PREX2: variants seen among roughly 807,000 people sequenced by gnomAD.
PREX2 encodes the protein phosphatidylinositol-3,4,5-trisphosphate dependent Rac exchange factor 2.
PREX2 carries 107 observed loss-of-function variants against 203.2 expected under a neutral mutation model. The ratio of observed to expected loss-of-function variants is 0.53; its 90% CI spans 0.45 to 0.62. The LOEUF (loss-of-function observed/expected upper bound fraction) is 0.62. Among genes scored for constraint, PREX2 ranks in the 20% least tolerant of loss-of-function variants. The pLI is 0.00. For synonymous variants in PREX2, 672 were observed against 663.6 expected (o/e 1.01, Z -0.19); for missense variants, 1,777 against 1,955.9 (o/e 0.91, Z 1.72).
intron 34 of PREX2, 83 bp from the exon 35 acceptor site, chr8:68,157,239 A>G: frequency 1.6e-6 from 1 of 620,242 alleles, no homozygotes; most frequent in Non-Finnish European, 2.7e-6. Flanking sequence ...TGCTAAATTT[A>G]CTAATAATCA....
intron 3 of PREX2, among the ~76,000 whole-genome samples, chr8:68,020,892 T>C (rs1807549401): frequency 6.6e-6 from 1 of 152,264 alleles, no homozygotes; most frequent in Non-Finnish European, 1.5e-5. Flanking sequence ...TTATTTTTTT[T>C]CTGGCTCATA....
At chr8:68,028,355 C>T (rs10086646) in intron 5 of PREX2, among the ~76,000 whole-genome samples, 26,742 of 151,646 alleles carry the variant, frequency 0.18, 3,081 homozygotes, top group African/African-American at 0.32. Flanking sequence ...TTGATTCCGA[C>T]TTATTTTAAT....
chr8:68,091,182 C>G (rs535596592), intron 20 of PREX2, among the ~76,000 whole-genome samples: 6 of 152,298 alleles, frequency 3.9e-5, no homozygotes, highest in Non-Finnish European at 8.8e-5. Flanking sequence ...ATTTAGGTAA[C>G]TGGATTTAGC....
chr8:67,985,383 T>TAATTTA (rs1806387536), intron 1 of PREX2, among the ~76,000 whole-genome samples: 1 of 152,300 alleles, frequency 6.6e-6, no homozygotes, highest in African/African-American at 2.4e-5. Flanking sequence ...TCAATGACCA[T>TAATTTA]ATTTGTCTTA....
At chr8:68,012,222 A>G (rs1302488344) in intron 1 of PREX2, among the ~76,000 whole-genome samples, 2 of 152,220 alleles carry the variant, frequency 1.3e-5, no homozygotes, top group Non-Finnish European at 2.9e-5. Flanking sequence ...AGAATACACT[A>G]TAACAATGTG....
rs1275516564 is a variant in PREX2 at position 68,090,449 on chromosome 8, C to G, written c.2114-130C>G. 4 of 758,498 alleles carry G rather than the reference C, an allele frequency of 5.3e-6. No individual in the cohort carries two copies. In the African/African-American group the frequency reaches 5.3e-5, roughly 10 times the overall value. 47.0% of individuals were successfully genotyped at this position (758,498 alleles called of 1,614,324 possible). The stretch of plus-strand genomic sequence containing the variant: ...GTTGAGTGGGCATTGCTCTCAGAAC[C>G]AAGTTTATCAAGATTATACTAGCTA... On this transcript the variant is annotated intron_variant, in intron 19 of 39. Transcript: ENST00000288368.
intron 37 of PREX2, 23 bp downstream of exon 37, chr8:68,192,548 T>C: frequency 6.4e-7 from 1 of 1,556,882 alleles, no homozygotes; most frequent in Admixed American, 1.9e-5. Context: ...CCCGCCTTGC[T>C]TGCCTCTTTG....
intron 11 of PREX2, among the ~76,000 whole-genome samples, chr8:68,063,233 T>C (rs1397952522): frequency 6.6e-6 from 1 of 152,228 alleles, no homozygotes; most frequent in Non-Finnish European, 1.5e-5. Flanking sequence ...CAGGGAACTG[T>C]GCCTCAGTGG....
intron 7 of PREX2, among the ~76,000 whole-genome samples, chr8:68,043,252 G>A (rs569519475): frequency 6.6e-6 from 1 of 152,170 alleles, no homozygotes; most frequent in South Asian, 2.1e-4. Context: ...ATGAACATGG[G>A]GAGTGCAAGG....
chr8:68,074,628 G>C (rs1210968884), intron 14 of PREX2, among the ~76,000 whole-genome samples: 3 of 152,196 alleles, frequency 2.0e-5, no homozygotes, highest in Non-Finnish European at 4.4e-5. Flanking sequence ...GGAAGGATAA[G>C]AGAACAACAA....
intron 37 of PREX2, among the ~76,000 whole-genome samples, chr8:68,197,952 A>T (rs1488319329): frequency 6.6e-6 from 1 of 151,990 alleles, no homozygotes; most frequent in Non-Finnish European, 1.5e-5. Context: ...GTATATAAGA[A>T]ACTACAGAGC....
intron 1 of PREX2, among the ~76,000 whole-genome samples, chr8:67,989,529 T>G (rs1806536972): frequency 6.6e-6 from 1 of 152,154 alleles, no homozygotes. Context: ...TTTGAACTGT[T>G]TAGCCAAATT....
intron 32 of PREX2, 55 bp downstream of exon 32, chr8:68,134,331 CAT>C: frequency 1.5e-6 from 2 of 1,367,726 alleles, no homozygotes; most frequent in Middle Eastern, 2.2e-4. Context: ...TGCACTGTAA[CAT>C]GTTTTGAAAT....
Position 68,139,336 on chromosome 8 carries a change from C to A in PREX2, c.4087+819C>A, listed in dbSNP as rs73685225. ...AATGGCGATATCGGAGGAGCAGTGT[C>A]CCAGGCTCACTGGACTCTGAGGCTG... On this transcript the variant is annotated intron_variant, in intron 33 of 39. Coordinates refer to ENST00000288368, the MANE Select transcript of PREX2 (RefSeq NM_024870.4). 5.7e-3 allele frequency among the ~76,000 whole-genome samples: 867 copies of A among 152,156 alleles called. 14 individuals carry two copies. The highest frequency in any genetic ancestry group is 0.02 in the African/African-American group (826 of 41,522).
chr8:67,999,896 C>G (rs924910028), intron 1 of PREX2, among the ~76,000 whole-genome samples: 11 of 152,136 alleles, frequency 7.2e-5, no homozygotes, highest in African/African-American at 2.7e-4. Context: ...TCAGAAAAGG[C>G]TTTTGATAAA....
intron 1 of PREX2, among the ~76,000 whole-genome samples, chr8:67,989,443 C>G (rs1300146591): frequency 1.3e-5 from 2 of 152,122 alleles, no homozygotes; most frequent in Non-Finnish European, 2.9e-5. Flanking sequence ...TACCATTTAT[C>G]TTCTCAACAT....
chr8:68,161,239 C>A (rs942932391), intron 35 of PREX2, among the ~76,000 whole-genome samples: 30 of 151,998 alleles, frequency 2.0e-4, no homozygotes, highest in Admixed American at 1.9e-3. Flanking sequence ...GGACTACAGG[C>A]ACTTGCCACC....
Position 68,111,047 on chromosome 8 carries a change from T to A in PREX2, c.3146+1424T>A, listed in dbSNP as rs932386667. On this transcript the variant is annotated intron_variant, in intron 25 of 39. Coordinates refer to ENST00000288368, the MANE Select transcript of PREX2 (RefSeq NM_024870.4). ...TGACAGCAGTTTATATTTTAGGATA[T>A]GATATTTTACTTCATTTAATAAATG... 18 of 304,970 alleles carry A rather than the reference T, an allele frequency of 5.9e-5. No individual in the cohort carries two copies. In the Admixed American group the frequency reaches 8.2e-4, roughly 14 times the overall value. 18.9% of individuals were successfully genotyped at this position (304,970 alleles called of 1,614,324 possible).
intron 1 of PREX2, among the ~76,000 whole-genome samples, chr8:68,003,701 G>A (rs906761581): frequency 2.6e-5 from 4 of 152,110 alleles, no homozygotes; most frequent in Non-Finnish European, 5.9e-5. Context: ...CCGAGTTAAC[G>A]TTAAAGAGAA....
Sources: gnomAD v4.1 joint callset for allele counts (sites outside exome capture counted in the v4.1 genomes callset) on GRCh38, gnomAD v4.1.1 for gene constraint, MANE v1.5 for transcripts, NCBI Gene and HGNC (gene_info 2026-07-23, HGNC 2026-07-21) for gene names.